VPS13B: variants seen among roughly 807,000 people sequenced by gnomAD.
The protein encoded by VPS13B is intermembrane lipid transfer protein VPS13B.
VPS13B carries 285 observed loss-of-function variants against 426.4 expected under a neutral mutation model. The observed-to-expected ratio is 0.67, with a 90% CI of 0.61 to 0.74. The LOEUF is 0.74. Among genes scored for constraint, VPS13B ranks in the 30% least tolerant of loss-of-function variants. The pLI, the probability that VPS13B is intolerant of heterozygous loss-of-function variation, is 0.00. For missense variants in VPS13B, 4,537 were observed against 4,782.6 expected, an observed-to-expected ratio of 0.95 and a Z score of 1.51; for synonymous variants, 1,676 against 1,676.4, an observed-to-expected ratio of 1.00 and a Z score of 0.01.
chr8:99,853,635 G>A lies in VPS13B; in HGVS notation c.10246G>A (p.Glu3416Lys). 1 of 1,614,150 alleles carries A rather than the reference G, an allele frequency of 6.2e-7. No homozygotes were observed. Residue 3416 changes from glutamate (E) to lysine (K), a missense_variant, in exon 56 of 62, where the codon GAA (glutamate) becomes AAA (lysine). This residue lies in a region of VPS13B where 4,311 missense variants were observed against 4,474.3 expected (regional missense o/e 0.96). Transcript: ENST00000357162. ...PGEEPVAALF[E>K]LYCVEICCGD... ...GGAAGAGCCTGTGGCTGCGTTGTTT[G>A]AACTTTACTGTGTGGAGATCTGCTG...
Position 99,778,735 on chromosome 8 carries a change from C to A in VPS13B, c.7483C>A (p.Leu2495Ile). 6.2e-7 allele frequency: 1 copy of A among 1,613,956 alleles called. No homozygotes were observed. The highest frequency in any genetic ancestry group is 8.5e-7 in the Non-Finnish European group (1 of 1,179,894). The change falls in exon 42 of 62, where the codon CTA (leucine) becomes ATA (isoleucine). Residue 2495 changes from leucine to isoleucine, a missense_variant. Physicochemically the swap from Leu to Ile is conservative, Grantham distance 5. Transcript: ENST00000357162. ...TTCCGACAGAAATATGCCATCTGAA[C>A]TAGAATACATGATTGTTTCCTTCAG... ...FVSDRNMPSELEYMIVSFREP... is the reference protein window; with the variant it reads ...FVSDRNMPSEIEYMIVSFREP...
intron 33 of VPS13B, among the ~76,000 whole-genome samples, chr8:99,578,473 T>TA (rs922840113): frequency 2.6e-5 from 4 of 152,054 alleles, no homozygotes; most frequent in South Asian, 4.1e-4. Context: ...TCTTTATTTT[T>TA]AAAAAAATTA....
intron 39 of VPS13B, among the ~76,000 whole-genome samples, chr8:99,751,761 A>C (rs547722482): frequency 6.6e-6 from 1 of 152,284 alleles, no homozygotes; most frequent in Non-Finnish European, 1.5e-5. Flanking sequence ...GTTTGACCTT[A>C]TTTGCAAGTC....
chr8:99,461,996 C>T (rs1299595977), intron 23 of VPS13B, among the ~76,000 whole-genome samples: 1 of 152,150 alleles, frequency 6.6e-6, no homozygotes, highest in Non-Finnish European at 1.5e-5. Context: ...AATATTGGTT[C>T]AACAAAAGAA....
intron 35 of VPS13B, among the ~76,000 whole-genome samples, chr8:99,671,694 G>T (rs1199055712): frequency 1.1e-4 from 16 of 152,066 alleles, no homozygotes; most frequent in Non-Finnish European, 1.5e-5. Context: ...GTCTCACTCT[G>T]TTACCTAGGC....
chr8:99,760,668 T>C (rs1306313652), intron 39 of VPS13B, among the ~76,000 whole-genome samples: 6 of 152,226 alleles, frequency 3.9e-5, no homozygotes, highest in African/African-American at 1.4e-4. Flanking sequence ...TCAGTGTTGT[T>C]TTTAGGTTTT....
At chr8:99,425,096 C>A (rs1012702449) in intron 21 of VPS13B, among the ~76,000 whole-genome samples, 2 of 152,090 alleles carry the variant, frequency 1.3e-5, no homozygotes, top group Non-Finnish European at 2.9e-5. Context: ...CAAAAAAAGT[C>A]CAGGACCAGG....
intron 33 of VPS13B, among the ~76,000 whole-genome samples, chr8:99,621,925 C>G (rs1184251775): frequency 6.6e-6 from 1 of 150,956 alleles, no homozygotes; most frequent in Non-Finnish European, 1.5e-5. Context: ...CCTCCGCCTC[C>G]CAGGTTCAAG....
chr8:99,110,129 C>T (rs1221380221), intron 5 of VPS13B, among the ~76,000 whole-genome samples: 2 of 152,032 alleles, frequency 1.3e-5, no homozygotes, highest in Non-Finnish European at 2.9e-5. Flanking sequence ...TGTTTAGACA[C>T]ATCTTCTTTA....
rs79858134 is a variant in VPS13B at position 99,717,393 on chromosome 8, A to T, written c.6657+20A>T. The T allele has an allele frequency of 6.2e-7, 1 of 1,603,802 alleles. No individual in the cohort carries two copies. The highest frequency in any genetic ancestry group is 8.5e-7 in the Non-Finnish European group (1 of 1,170,982). ...CTACAGGTCTGTGGGTATTGGCCATATTTTTTTCATAGGTTATTAACTAGC... is the reference window on the plus strand; with the variant it reads ...CTACAGGTCTGTGGGTATTGGCCATTTTTTTTTCATAGGTTATTAACTAGC... On this transcript the variant is annotated intron_variant, in intron 37 of 61. Coordinates refer to ENST00000357162, the MANE Select transcript of VPS13B (RefSeq NM_152564.5).
At chr8:99,056,187 G>T (rs1320520328) in intron 3 of VPS13B, among the ~76,000 whole-genome samples, 2 of 151,986 alleles carry the variant, frequency 1.3e-5, no homozygotes, top group Non-Finnish European at 1.5e-5. Context: ...CTCCCAAGTA[G>T]CAGGGACTAC....
At chr8:99,185,723 C>T (rs536625709) in intron 16 of VPS13B, among the ~76,000 whole-genome samples, 82 of 152,226 alleles carry the variant, frequency 5.4e-4, no homozygotes, top group Middle Eastern at 3.4e-3. Context: ...TTAATGGTAT[C>T]GCTATGAACT....
At chr8:99,133,907 A>G (rs1809934265) in intron 8 of VPS13B, among the ~76,000 whole-genome samples, 1 of 152,216 alleles carries the variant, frequency 6.6e-6, no homozygotes, top group Non-Finnish European at 1.5e-5. Flanking sequence ...AAAATGTGAC[A>G]CAGAAACACA....
intron 19 of VPS13B, among the ~76,000 whole-genome samples, chr8:99,335,558 G>A (rs199965583): frequency 6.6e-6 from 1 of 151,986 alleles, no homozygotes; most frequent in Non-Finnish European, 1.5e-5. Flanking sequence ...CAATTAGGAA[G>A]AGAGGAAGTC....
intron 17 of VPS13B, chr8:99,233,148 A>G (rs769703620): frequency 5.7e-6 from 8 of 1,400,780 alleles, no homozygotes; most frequent in Non-Finnish European, 8.1e-6. Flanking sequence ...CAGTCTGGCT[A>G]GCAAAGAAGT....
In VPS13B at chr8:99,861,789, C is replaced by T. The variant is rs1242117872; in HGVS notation, c.11058C>T (p.Ser3686=). ...TTGTTCCCTCAGGTACCCTCACATC[C>T]ATCACCAACCTCGCCACAAGCCTGG... ...VKHISKGTLT[S]ITNLATSLAR... The change falls in exon 58 of 62, where the codon TCC becomes TCT. Residue 3686 remains serine (S), a synonymous_variant. Transcript: ENST00000357162. The T allele has an allele frequency of 5.0e-6, 8 of 1,595,462 alleles. No individual in the cohort carries two copies. Among genetic ancestry groups the T allele is most frequent in the Non-Finnish European group, 6.8e-6 (8 of 1,171,120 alleles).
intron 25 of VPS13B, among the ~76,000 whole-genome samples, chr8:99,500,883 G>T (rs1465081925): frequency 6.6e-6 from 1 of 152,018 alleles, no homozygotes; most frequent in Admixed American, 6.6e-5. Flanking sequence ...TTTTATTCTG[G>T]CCTGCTAAAA....
intron 22 of VPS13B, among the ~76,000 whole-genome samples, chr8:99,434,333 G>GA (rs1465708337): frequency 6.6e-6 from 1 of 152,142 alleles, no homozygotes; most frequent in Non-Finnish European, 1.5e-5. Flanking sequence ...TTTCCCAGGT[G>GA]AGCCTGTGGA....
At chr8:99,827,633 T>C (rs1195142054) in intron 51 of VPS13B, among the ~76,000 whole-genome samples, 2 of 151,810 alleles carry the variant, frequency 1.3e-5, no homozygotes, top group Non-Finnish European at 2.9e-5. Context: ...AGCTTTTGAA[T>C]TTTTTTGCTC....
Sources: allele counts gnomAD v4.1 joint callset (sites outside exome capture counted in the v4.1 genomes callset), GRCh38; gene constraint gnomAD v4.1.1; regional missense constraint gnomAD v4.1.1; transcripts MANE v1.5; gene names NCBI Gene and HGNC (gene_info 2026-07-23, HGNC 2026-07-21).